The following PATL2 variants were observed in gnomAD, a reference collection of about 807,000 sequenced individuals.
The protein encoded by PATL2 is PAT1 homolog 2, also known as protein PAT1 homolog 2.
A neutral mutation model predicts 77.0 loss-of-function variants in PATL2; 73 were observed. The ratio of observed to expected loss-of-function variants is 0.95; its 90% CI spans 0.78 to 1.15. The LOEUF is 1.15. Among genes scored for constraint, PATL2 ranks in the 50% most tolerant of loss-of-function variants. The pLI is 0.00. For synonymous variants in PATL2, 265 were observed against 257.1 expected (o/e 1.03, Z -0.29); for missense variants, 618 against 655.4 (o/e 0.94, Z 0.62).
chr15:44,671,863 T>C (rs2085697089), intron 9 of PATL2, among the ~76,000 whole-genome samples, 152 bp downstream of exon 9: 1 of 152,186 alleles, frequency 6.6e-6, no homozygotes, highest in South Asian at 2.1e-4. Context: ...GGGATGTCAA[T>C]TTTAGAAATA....
At chr15:44,695,969 G>A (rs2086494987) in intron 3 of PATL2, among the ~76,000 whole-genome samples, 1 of 152,162 alleles carries the variant, frequency 6.6e-6, no homozygotes, top group Admixed American at 6.5e-5. Context: ...CAGCCAGAAA[G>A]GACCCCACAC....
Position 44,674,349 on chromosome 15 carries a change from G to A in PATL2, c.223-119C>T, listed in dbSNP as rs140041605. 4.9e-4 allele frequency: 367 copies of A among 742,832 alleles called. 3 individuals are homozygous for A. The highest frequency in any genetic ancestry group is 4.7e-3 in the Middle Eastern group (12 of 2,566). 46.0% of individuals were successfully genotyped at this position (742,832 alleles called of 1,614,324 possible). A position where few individuals can be genotyped will look rare whatever the true frequency, so the allele number is the denominator to read the frequency against. ...AAGACCAGGTGTTCCAACATCCAGG[G>A]CAGTGGCAGCTTGGCCCTCCCTCAG... On this transcript the variant is annotated intron_variant, in intron 5 of 17. Coordinates refer to ENST00000682850, the MANE Select transcript of PATL2 (RefSeq NM_001387263.1).
chr15:44,680,024 T>C (rs1156968444), intron 3 of PATL2, among the ~76,000 whole-genome samples: 1 of 152,180 alleles, frequency 6.6e-6, no homozygotes, highest in Non-Finnish European at 1.5e-5. Context: ...CTCTCCTAAA[T>C]TACCCCAATT....
chr15:44,668,958 T>A, intron 14 of PATL2, 22 bp downstream of exon 14: 1 of 1,514,292 alleles, frequency 6.6e-7, no homozygotes, highest in South Asian at 1.3e-5. Context: ...ACCATCCTCT[T>A]CTCCACTCAA....
At chr15:44,705,654 C>T (rs2086719222) in intron 3 of PATL2, among the ~76,000 whole-genome samples, 1 of 152,062 alleles carries the variant, frequency 6.6e-6, no homozygotes, top group Non-Finnish European at 1.5e-5. Flanking sequence ...ATAAGAGAGT[C>T]TGATGCACCC....
chr15:44,687,300 A>G (rs1222152017), intron 3 of PATL2, among the ~76,000 whole-genome samples: 4 of 152,254 alleles, frequency 2.6e-5, no homozygotes, highest in Non-Finnish European at 5.9e-5. Context: ...AACCAATGAC[A>G]AAAACCACGT....
intron 3 of PATL2, among the ~76,000 whole-genome samples, chr15:44,683,958 C>A (rs1482985855): frequency 6.6e-6 from 1 of 152,018 alleles, no homozygotes; most frequent in East Asian, 1.9e-4. Context: ...AAAACAGGGT[C>A]TGGAGTGGAC....
chr15:44,666,984 A>C, intron 16 of PATL2, 122 bp downstream of exon 16: 1 of 767,390 alleles, frequency 1.3e-6, no homozygotes, highest in Non-Finnish European at 2.1e-6. Flanking sequence ...CAACACTGCT[A>C]CTACTTTCTC....
chr15:44,697,743 C>G (rs912708206), intron 3 of PATL2, among the ~76,000 whole-genome samples: 3 of 152,132 alleles, frequency 2.0e-5, no homozygotes, highest in Non-Finnish European at 4.4e-5. Context: ...AAGATTGAGG[C>G]CTTTGGAATC....
At chr15:44,669,698 C>T in intron 11 of PATL2, 79 bp downstream of exon 11, 1 of 1,515,010 alleles carries the variant, frequency 6.6e-7, no homozygotes, top group Non-Finnish European at 8.9e-7. Flanking sequence ...CTTCTTCGGT[C>T]ACAGTCTTAA....
Position 44,667,216 on chromosome 15 carries a change from T to TA in PATL2, c.1366-14dup. On this transcript the variant is annotated splice_polypyrimidine_tract_variant and intron_variant, in intron 15 of 17. Coordinates refer to ENST00000682850, the MANE Select transcript of PATL2 (RefSeq NM_001387263.1). The stretch of plus-strand genomic sequence containing the variant: ...AAGATATTCCAAACTGCAAGGGACA[T>TA]ATATATATTCCAGAGCAAAATGAGT... The TA allele has an allele frequency of 6.5e-7, 1 of 1,539,176 alleles. No homozygotes were observed. Among genetic ancestry groups the TA allele is most frequent in the Non-Finnish European group, 8.8e-7 (1 of 1,136,034 alleles).
intron 3 of PATL2, among the ~76,000 whole-genome samples, chr15:44,684,252 G>A (rs188502438): frequency 6.6e-6 from 1 of 152,030 alleles, no homozygotes; most frequent in Admixed American, 6.6e-5. Context: ...TGAGTTTGAT[G>A]AATTGACAGA....
rs140536866 is a variant in PATL2 at position 44,695,396 on chromosome 15, T to C, written c.-76+14700A>G. The stretch of plus-strand genomic sequence containing the variant: ...TTCAAGATGGCAGCTCCATCTTCCC[T>C]TTTCTTTGTCAGCCACTTTTACAGT... On this transcript the variant is annotated intron_variant, in intron 3 of 17. Coordinates refer to ENST00000682850, the MANE Select transcript of PATL2 (RefSeq NM_001387263.1). 5.0e-3 allele frequency among the ~76,000 whole-genome samples: 764 copies of C among 152,274 alleles called. 7 individuals are homozygous for C. Among genetic ancestry groups the C allele is most frequent in the African/African-American group, 0.018 (741 of 41,556 alleles).
Position 44,707,680 on chromosome 15 carries a change from G to T in PATL2, c.-76+2416C>A, listed in dbSNP as rs75871885. ...GAAGTCTCTCTCTGAGCTTTGAGCT[G>T]CCCTGCCTGGGGTTGGGAGAGGGGT... On this transcript the variant is annotated intron_variant, in intron 3 of 17. Coordinates refer to ENST00000682850, the MANE Select transcript of PATL2 (RefSeq NM_001387263.1). 6.8e-3 allele frequency among the ~76,000 whole-genome samples: 1,032 copies of T among 152,278 alleles called. 13 individuals are homozygous for T. Among genetic ancestry groups the T allele is most frequent in the African/African-American group, 0.024 (979 of 41,550 alleles).
chr15:44,708,057 C>T (rs1221981548), intron 3 of PATL2, among the ~76,000 whole-genome samples: 1 of 152,266 alleles, frequency 6.6e-6, no homozygotes, highest in African/African-American at 2.4e-5. Context: ...CACTCTTCCT[C>T]TCCCAGAAGC....
intron 3 of PATL2, among the ~76,000 whole-genome samples, chr15:44,686,401 T>A (rs1336406889): frequency 2.0e-5 from 3 of 152,146 alleles, no homozygotes; most frequent in Admixed American, 2.0e-4. Flanking sequence ...TGGGCCACAT[T>A]TAAAGCAGTG....
intron 3 of PATL2, among the ~76,000 whole-genome samples, chr15:44,679,552 C>CTTTTTTTTTTTTTTT (rs545161525): frequency 8.7e-6 from 1 of 114,358 alleles, no homozygotes; most frequent in Non-Finnish European, 1.8e-5. Flanking sequence ...TTTTCTTTTT[C>CTTTTTTTTTTTTTTT]TTTTTTTTTT....
intron 14 of PATL2, 23 bp from the exon 15 acceptor site, chr15:44,668,505 C>A (rs751806099): frequency 1.3e-6 from 2 of 1,546,120 alleles, no homozygotes; most frequent in Non-Finnish European, 1.7e-6. Flanking sequence ...CAGTAAGCAC[C>A]TCCCAAATTC....
chr15:44,690,723 T>C (rs2086371800), intron 3 of PATL2, among the ~76,000 whole-genome samples: 1 of 152,166 alleles, frequency 6.6e-6, no homozygotes, highest in Non-Finnish European at 1.5e-5. Flanking sequence ...TCTGAAGATG[T>C]TAAGAGTTCA....
Sources: gnomAD v4.1 joint callset for allele counts (sites outside exome capture counted in the v4.1 genomes callset) on GRCh38, gnomAD v4.1.1 for gene constraint, MANE v1.5 for transcripts, NCBI Gene and HGNC (gene_info 2026-07-23, HGNC 2026-07-21) for gene names.